Variants in DENND5B observed in about 807,000 individuals in gnomAD.
DENND5B encodes DENN domain-containing protein 5B.
Under a neutral mutation model 140.6 loss-of-function variants are expected in DENND5B, and 34 were observed. That is an observed-to-expected ratio of 0.24 (90% CI 0.18 to 0.32). The LOEUF (loss-of-function observed/expected upper bound fraction) is 0.32, where lower values mean the gene tolerates loss of function less well. Among genes scored for constraint, DENND5B ranks in the 10% least tolerant of loss-of-function variants. The probability of loss-of-function intolerance (pLI) is 1.00; values close to 1 mark genes in which losing one functional copy is unlikely to be tolerated. For missense variants in DENND5B, 1,142 were observed against 1,560.2 expected (o/e 0.73, Z 4.52); for synonymous variants, 551 against 562.1 (o/e 0.98, Z 0.28).
intron 2 of DENND5B, among the ~76,000 whole-genome samples, chr12:31,489,679 A>T (rs1340573389): frequency 6.6e-6 from 1 of 152,230 alleles, no homozygotes; most frequent in Non-Finnish European, 1.5e-5. Context: ...TGGTGCTTAC[A>T]TTAAGCACGA....
At chr12:31,444,066 G>C (rs898687685) in intron 6 of DENND5B, 1 of 152,064 alleles carries the variant, frequency 6.6e-6, no homozygotes, top group Non-Finnish European at 1.5e-5. Flanking sequence ...CAACTGAATT[G>C]TCAAGAGAAA....
At chr12:31,409,242 C>A (rs1337796371) in intron 14 of DENND5B, 21 bp downstream of exon 14, 4 of 1,554,536 alleles carry the variant, frequency 2.6e-6, no homozygotes, top group Non-Finnish European at 3.5e-6. Flanking sequence ...TAACCCTTAA[C>A]GGTCAATTCT....
At chr12:31,518,196 A>G (rs1423875917) in intron 1 of DENND5B, among the ~76,000 whole-genome samples, 1 of 152,242 alleles carries the variant, frequency 6.6e-6, no homozygotes, top group Admixed American at 6.5e-5. Flanking sequence ...ATCAGAGACT[A>G]TGAACACATA....
intron 1 of DENND5B, among the ~76,000 whole-genome samples, chr12:31,496,819 T>C (rs996818126): frequency 6.6e-6 from 1 of 152,162 alleles, no homozygotes; most frequent in Admixed American, 6.5e-5. Context: ...AGACCTATTA[T>C]CCCTAAATGT....
rs1949362080 is a variant in DENND5B at position 31,558,220 on chromosome 12, A to G, written c.127+32486T>C. Among the ~76,000 whole-genome samples the G allele has an allele frequency of 3.9e-5, 6 of 152,280 alleles. No individual in the cohort carries two copies. The South Asian group carries it at 1.0e-3, about 26-fold the overall frequency. On this transcript the variant is annotated intron_variant, in intron 1 of 20. Coordinates refer to ENST00000389082, the MANE Select transcript of DENND5B (RefSeq NM_144973.4). Reference sequence around the variant, plus strand: ...TTATTGTTCTTTTCAGCAATTCCTCATAGATGGTGTTCTTAATTTCCTTAT... The same window carrying G: ...TTATTGTTCTTTTCAGCAATTCCTCGTAGATGGTGTTCTTAATTTCCTTAT...
chr12:31,460,579 G>A (rs902752122), intron 3 of DENND5B, among the ~76,000 whole-genome samples, 198 bp from the exon 4 acceptor site: 6 of 151,482 alleles, frequency 4.0e-5, no homozygotes, highest in African/African-American at 1.5e-4. Context: ...AGTTTTAAGG[G>A]GGTGTGGGTA....
At chr12:31,538,180 A>G (rs912044998) in intron 1 of DENND5B, among the ~76,000 whole-genome samples, 5 of 152,252 alleles carry the variant, frequency 3.3e-5, no homozygotes, top group Admixed American at 6.5e-5. Context: ...AGATACATAC[A>G]TAACATTTCA....
chr12:31,544,771 G>A (rs1440478518), intron 1 of DENND5B, among the ~76,000 whole-genome samples: 2 of 151,972 alleles, frequency 1.3e-5, no homozygotes, highest in Non-Finnish European at 2.9e-5. Flanking sequence ...CAGACATTAT[G>A]CCCTCCTGAT....
intron 7 of DENND5B, among the ~76,000 whole-genome samples, chr12:31,434,692 C>T (rs545039422): frequency 1.3e-5 from 2 of 152,330 alleles, no homozygotes; most frequent in African/African-American, 4.8e-5. Context: ...AATTTGGAAC[C>T]TGGCTCAGTT....
At chr12:31,528,230 T>C (rs191416613) in intron 1 of DENND5B, among the ~76,000 whole-genome samples, 1 of 152,228 alleles carries the variant, frequency 6.6e-6, no homozygotes, top group African/African-American at 2.4e-5. Flanking sequence ...GGAAAATTCA[T>C]TTCTTGTTTC....
chr12:31,416,039 G>A (rs988992923), intron 11 of DENND5B, among the ~76,000 whole-genome samples: 1 of 151,894 alleles, frequency 6.6e-6, no homozygotes, highest in Non-Finnish European at 1.5e-5. Flanking sequence ...GTTTCTCCAT[G>A]TTGGTCAGGC....
intron 1 of DENND5B, among the ~76,000 whole-genome samples, chr12:31,547,533 G>C (rs2139214218): frequency 6.6e-6 from 1 of 152,066 alleles, no homozygotes; most frequent in East Asian, 1.9e-4. Flanking sequence ...TGAGTAGCTG[G>C]AACTACAGAC....
At chr12:31,472,915 C>T (rs894097065) in intron 3 of DENND5B, among the ~76,000 whole-genome samples, 2 of 151,860 alleles carry the variant, frequency 1.3e-5, no homozygotes, top group Non-Finnish European at 2.9e-5. Flanking sequence ...GCCTTATATG[C>T]TGTTGCACCA....
At chr12:31,548,225 C>G (rs577967291) in intron 1 of DENND5B, among the ~76,000 whole-genome samples, 120 of 151,858 alleles carry the variant, frequency 7.9e-4, no homozygotes, top group African/African-American at 2.4e-3. Flanking sequence ...AACCCCACCT[C>G]TACAAAAAAA....
chr12:31,551,788 T>G (rs1592033130), intron 1 of DENND5B, among the ~76,000 whole-genome samples: 1 of 152,234 alleles, frequency 6.6e-6, no homozygotes, highest in African/African-American at 2.4e-5. Context: ...ACATCCCTTG[T>G]AAGTTGGATT....
chr12:31,464,866 T>C (rs749609168), intron 3 of DENND5B, among the ~76,000 whole-genome samples: 28 of 152,168 alleles, frequency 1.8e-4, no homozygotes, highest in Non-Finnish European at 2.8e-4. Flanking sequence ...TGCCTGGACA[T>C]ATCTGTATTT....
chr12:31,393,985 C>T (rs1941294767), intron 17 of DENND5B, among the ~76,000 whole-genome samples: 1 of 152,166 alleles, frequency 6.6e-6, no homozygotes, highest in African/African-American at 2.4e-5. Context: ...CCACCATGCC[C>T]GGCTAACGTT....
At position 31,384,070 on chromosome 12, in the gene DENND5B, T is replaced by C. The variant is rs1365461623; in HGVS notation, c.*3533A>G. On this transcript the variant is annotated 3_prime_UTR_variant, in exon 21 of 21. Coordinates refer to ENST00000389082, the MANE Select transcript of DENND5B (RefSeq NM_144973.4). ...CAGAAAAGATGCCTCTATGTGGGTA[T>C]GGTCCTTCCAAAAGTCAGCTTAAAA... The C allele has an allele frequency of 6.6e-6, 1 of 152,228 alleles. No homozygotes were observed. The highest frequency in any genetic ancestry group is 1.5e-5 in the Non-Finnish European group (1 of 68,050). 9.4% of individuals were successfully genotyped at this position (152,228 alleles called of 1,614,324 possible).
intron 3 of DENND5B, chr12:31,465,025 A>G (rs1009093346): frequency 6.6e-6 from 1 of 152,266 alleles, no homozygotes; most frequent in Non-Finnish European, 1.5e-5. Context: ...ACTATATTAT[A>G]CAATAAAAAC....
Sources: gnomAD v4.1 joint callset for allele counts (sites outside exome capture counted in the v4.1 genomes callset) on GRCh38, gnomAD v4.1.1 for gene constraint, MANE v1.5 for transcripts, NCBI Gene and HGNC (gene_info 2026-07-23, HGNC 2026-07-21) for gene names.